AATF: variants seen among roughly 807,000 people sequenced by gnomAD.
AATF encodes the protein protein AATF.
A neutral mutation model predicts 63.7 loss-of-function variants in AATF; 48 were observed. The observed-to-expected ratio is 0.75, with a 90% confidence interval of 0.60 to 0.96. AATF has a LOEUF of 0.96. Ranked by LOEUF, AATF falls within the 40% of genes least tolerant of loss-of-function variation. The pLI is 0.00. For synonymous variants in AATF, 258 were observed against 247.7 expected (o/e 1.04, Z -0.39); for missense variants, 639 against 685.7 (o/e 0.93, Z 0.76).
At position 37,056,761 on chromosome 17, in the gene AATF, G is replaced by T; in HGVS notation, c.*97G>T. On this transcript the variant is annotated 3_prime_UTR_variant, in exon 12 of 12. Transcript: ENST00000619387. ...GACTTTATGGGGCTGAGCTAGTAGG[G>T]AAGCCCCTGGAAAGATGCTGCGTTC... 2.3e-6 allele frequency: 3 copies of T among 1,314,086 alleles called. No homozygotes were observed. Among genetic ancestry groups the T allele is most frequent in the Non-Finnish European group, 3.2e-6 (3 of 929,294 alleles). The allele number at this position is 1,314,086 out of a possible 1,614,324, so 81.4% of individuals were successfully genotyped here.
At chr17:37,020,432 T>A (rs969723465) in intron 9 of AATF, among the ~76,000 whole-genome samples, 3 of 151,658 alleles carry the variant, frequency 2.0e-5, no homozygotes, top group African/African-American at 7.3e-5. Context: ...TTAAACAATT[T>A]AAAACAATTA....
intron 11 of AATF, among the ~76,000 whole-genome samples, chr17:37,053,683 A>G (rs1369875990): frequency 6.6e-6 from 1 of 152,228 alleles, no homozygotes; most frequent in Non-Finnish European, 1.5e-5. Flanking sequence ...CCTGGCCAAC[A>G]TGGTAAAACC....
chr17:37,007,670 C>T (rs1396131282), intron 8 of AATF, among the ~76,000 whole-genome samples: 1 of 151,928 alleles, frequency 6.6e-6, no homozygotes, highest in Non-Finnish European at 1.5e-5. Context: ...GAGTGTGTAT[C>T]GAAGAATTCA....
At chr17:36,989,012 T>C (rs984151125) in intron 6 of AATF, among the ~76,000 whole-genome samples, 1 of 152,174 alleles carries the variant, frequency 6.6e-6, no homozygotes, top group Non-Finnish European at 1.5e-5. Flanking sequence ...GCAATAATTA[T>C]TAAAGTATCA....
chr17:37,019,099 T>C (rs951431450), intron 9 of AATF, 27 bp downstream of exon 9: 5 of 1,591,254 alleles, frequency 3.1e-6, no homozygotes, highest in African/African-American at 1.3e-5. Flanking sequence ...TTTCTGTTCA[T>C]GCAAGCAGCC....
At chr17:37,016,385 G>A (rs1337643225) in intron 8 of AATF, among the ~76,000 whole-genome samples, 1 of 152,070 alleles carries the variant, frequency 6.6e-6, no homozygotes, top group Non-Finnish European at 1.5e-5. Flanking sequence ...ATGTATATTG[G>A]TATGGGTTAA....
At chr17:37,021,815 AAAAAAAT>A (rs1168282305) in intron 10 of AATF, among the ~76,000 whole-genome samples, 1 of 81,002 alleles carries the variant, frequency 1.2e-5, no homozygotes, top group East Asian at 2.7e-4. Context: ...AAAAAAAAAA[AAAAAAAT>A]AATAATAATA....
chr17:37,037,563 C>T (rs1215836314), intron 11 of AATF, among the ~76,000 whole-genome samples: 1 of 152,174 alleles, frequency 6.6e-6, no homozygotes, highest in Non-Finnish European at 1.5e-5. Context: ...AATGTGAAAT[C>T]CCACCTGCCC....
chr17:36,962,934 A>C (rs528993865), intron 4 of AATF, among the ~76,000 whole-genome samples: 1 of 152,268 alleles, frequency 6.6e-6, no homozygotes, highest in East Asian at 1.9e-4. Flanking sequence ...CCAGTTCAAC[A>C]TGGTGAAATC....
chr17:37,016,350 A>G (rs1597726872), intron 8 of AATF, among the ~76,000 whole-genome samples: 1 of 152,210 alleles, frequency 6.6e-6, no homozygotes, highest in Non-Finnish European at 1.5e-5. Flanking sequence ...TTAGATGCTT[A>G]ATAGTACTAT....
intron 11 of AATF, among the ~76,000 whole-genome samples, chr17:37,041,132 G>T (rs1050840028): frequency 3.9e-5 from 6 of 152,116 alleles, no homozygotes; most frequent in Non-Finnish European, 8.8e-5. Context: ...TTTTCTTATA[G>T]AATTTTTTGT....
intron 4 of AATF, among the ~76,000 whole-genome samples, chr17:36,970,410 A>G (rs1303940330): frequency 6.6e-6 from 1 of 152,192 alleles, no homozygotes; most frequent in Non-Finnish European, 1.5e-5. Flanking sequence ...TAAAAAAGTT[A>G]CCTTAATCAG....
intron 11 of AATF, chr17:37,034,653 C>T (rs1165160835): frequency 6.6e-6 from 1 of 151,974 alleles, no homozygotes; most frequent in African/African-American, 2.4e-5. Context: ...ATAGACCTGA[C>T]TACATAAAAG....
At chr17:36,972,030 G>C (rs1474978073) in intron 4 of AATF, among the ~76,000 whole-genome samples, 1 of 152,094 alleles carries the variant, frequency 6.6e-6, no homozygotes, top group Non-Finnish European at 1.5e-5. Context: ...GAACCCTTCA[G>C]CCTGGCTTGA....
At chr17:36,975,261 A>G (rs919055025) in intron 4 of AATF, among the ~76,000 whole-genome samples, 2 of 152,032 alleles carry the variant, frequency 1.3e-5, no homozygotes, top group African/African-American at 4.8e-5. Flanking sequence ...GTTAAAATTA[A>G]TGTTTGTTAT....
intron 10 of AATF, among the ~76,000 whole-genome samples, chr17:37,023,254 CAT>C (rs1163536176): frequency 4.6e-5 from 7 of 152,058 alleles, no homozygotes; most frequent in Admixed American, 4.6e-4. Flanking sequence ...TAAATGAAAT[CAT>C]GTGTAAATAT....
Position 37,056,638 on chromosome 17 carries a change from C to T in AATF, c.1657C>T (p.Pro553Ser), listed in dbSNP as rs746266118. ...CCGCTCTCTTTTTGGCCAGCTCCAC[C>T]CTCCCGACGAAGGCCACGGGGATTG... ...LYRSLFGQLH[P>S]PDEGHGD The change falls in exon 12 of 12, where the codon CCT becomes TCT. Residue 553 changes from proline (P) to serine (S), a missense_variant. Pro to Ser is a moderately conservative substitution (Grantham distance 74, BLOSUM62 -1). Transcript: ENST00000619387. 25 of 1,614,228 alleles carry T rather than the reference C, an allele frequency of 1.5e-5. No individual in the cohort carries two copies. The highest frequency in any genetic ancestry group is 2.0e-5 in the Non-Finnish European group (24 of 1,180,044).
chr17:37,056,549 A>T (rs1031770907), intron 11 of AATF, 52 bp from the exon 12 acceptor site: 22 of 1,589,474 alleles, frequency 1.4e-5, no homozygotes, highest in Non-Finnish European at 1.9e-5. Context: ...TTCCTTTTTA[A>T]CCTTGAATAG....
At chr17:36,981,702 C>CTTTTTT (rs71368433) in intron 4 of AATF, among the ~76,000 whole-genome samples, 22 of 110,466 alleles carry the variant, frequency 2.0e-4, no homozygotes, top group Non-Finnish European at 3.0e-4. Flanking sequence ...TCTTTCTTTT[C>CTTTTTT]TTTTTTTTTT....
Sources: gnomAD v4.1 joint callset for allele counts (sites outside exome capture counted in the v4.1 genomes callset) on GRCh38, gnomAD v4.1.1 for gene constraint, MANE v1.5 for transcripts, NCBI Gene and HGNC (gene_info 2026-07-23, HGNC 2026-07-21) for gene names.